The following CLASP2 variants were observed in gnomAD, a reference collection of about 807,000 sequenced individuals.
CLASP2 encodes the protein cytoplasmic linker associated protein 2.
A neutral mutation model predicts 194.4 loss-of-function variants in CLASP2; 47 were observed. The observed-to-expected ratio is 0.24, with a 90% CI of 0.19 to 0.31. The LOEUF is 0.31. Among genes scored for constraint, CLASP2 ranks in the 10% least tolerant of loss-of-function variants. The probability of loss-of-function intolerance (pLI) is 1.00; values close to 1 mark genes in which losing one functional copy is unlikely to be tolerated. For synonymous variants in CLASP2, 619 were observed against 633.5 expected (o/e 0.98, Z 0.34); for missense variants, 1,445 against 1,823.6 (o/e 0.79, Z 3.78).
intron 33 of CLASP2, among the ~76,000 whole-genome samples, chr3:33,537,153 AATTT>A (rs2057500511): frequency 6.6e-6 from 1 of 152,172 alleles, no homozygotes; most frequent in African/African-American, 2.4e-5. Context: ...CAAAATTCAC[AATTT>A]GAGTTCCCTA....
chr3:33,600,081 AT>A lies in CLASP2; in HGVS notation c.1924+2870del, dbSNP rs201918217. On this transcript the variant is annotated intron_variant, in intron 18 of 38. Coordinates refer to ENST00000682230, the MANE Select transcript of CLASP2 (RefSeq NM_001365631.1). ...TGTAATGTGTTTTGCTCATATATAT[AT>A]TTTTTTTGTGTGTGTGTGTGTGTGG... is the stretch of plus-strand genomic sequence containing the variant. Among the ~76,000 whole-genome samples the A allele has an allele frequency of 8.0e-3, 1,217 of 151,436 alleles. 21 individuals are homozygous for A. Among genetic ancestry groups the A allele is most frequent in the African/African-American group, 0.027 (1,116 of 41,290 alleles).
At chr3:33,696,077 T>TA (rs368145700) in intron 2 of CLASP2, among the ~76,000 whole-genome samples, 248 of 152,286 alleles carry the variant, frequency 1.6e-3, no homozygotes, top group Non-Finnish European at 2.8e-3. Context: ...TAAGGAAATT[T>TA]AGAGTACTTA....
chr3:33,617,107 G>A (rs7623202), intron 12 of CLASP2, among the ~76,000 whole-genome samples: 8,871 of 148,780 alleles, frequency 0.06, 825 homozygotes, highest in African/African-American at 0.2. Flanking sequence ...AGCCTGAAAC[G>A]GGAAAAAAGG....
At chr3:33,559,027 C>A (rs187528419) in intron 29 of CLASP2, 1 of 477,218 alleles carries the variant, frequency 2.1e-6, no homozygotes, top group Admixed American at 3.5e-5. Flanking sequence ...TGTGTGCATG[C>A]GTAAAAGGCT....
chr3:33,658,452 G>C (rs1408652995), intron 7 of CLASP2, among the ~76,000 whole-genome samples: 3 of 151,964 alleles, frequency 2.0e-5, no homozygotes, highest in African/African-American at 4.8e-5. Flanking sequence ...ATCTTAAAAG[G>C]CTAAATATTT....
intron 13 of CLASP2, among the ~76,000 whole-genome samples, chr3:33,611,544 T>C (rs1269224370): frequency 1.3e-5 from 2 of 152,202 alleles, no homozygotes; most frequent in Non-Finnish European, 2.9e-5. Context: ...CTGATAGGGC[T>C]ATATACTCCG....
chr3:33,588,861 A>C (rs1254818727), intron 21 of CLASP2: 2 of 610,948 alleles, frequency 3.3e-6, no homozygotes. Flanking sequence ...AAAAACCCTA[A>C]GGCAAAAAAA....
intron 11 of CLASP2, among the ~76,000 whole-genome samples, chr3:33,621,673 A>G (rs2077134283): frequency 6.6e-6 from 1 of 152,210 alleles, no homozygotes; most frequent in Non-Finnish European, 1.5e-5. Flanking sequence ...TTAGGTCAGA[A>G]ATAGTAATAA....
chr3:33,680,059 T>C (rs2089532265), intron 6 of CLASP2, among the ~76,000 whole-genome samples: 1 of 152,176 alleles, frequency 6.6e-6, no homozygotes, highest in Admixed American at 6.5e-5. Context: ...AGAAATGAGC[T>C]ATCAAGCCAT....
Position 33,592,470 on chromosome 3 carries a change from G to A in CLASP2, c.1993C>T (p.Pro665Ser), listed in dbSNP as rs1449892152. ...DGRVRAKLSA[P>S]LAGMGNAKAD... ...TTGGCATTTCCCATGCCAGCAAGTGGTGCTGAAAGTTTTGCTCTCACCCGG... is the reference window on the plus strand; with the variant it reads ...TTGGCATTTCCCATGCCAGCAAGTGATGCTGAAAGTTTTGCTCTCACCCGG... The change falls in exon 21 of 39, where the codon CCA (proline) becomes TCA (serine). Residue 665 changes from proline (P) to serine (S), a missense_variant. Physicochemically the swap from Pro to Ser is moderately conservative, Grantham distance 74. Coordinates refer to ENST00000682230, the MANE Select transcript of CLASP2 (RefSeq NM_001365631.1). The A allele has an allele frequency of 6.2e-7, 1 of 1,613,532 alleles. No individual in the cohort carries two copies. Among genetic ancestry groups the A allele is most frequent in the Admixed American group, 1.7e-5 (1 of 59,980 alleles).
At chr3:33,697,808 T>C (rs917630994) in intron 1 of CLASP2, among the ~76,000 whole-genome samples, 1 of 151,990 alleles carries the variant, frequency 6.6e-6, no homozygotes, top group African/African-American at 2.4e-5. Flanking sequence ...TAACCTGAAA[T>C]CTAAACAAAG....
chr3:33,703,499 G>T (rs1247998553), intron 1 of CLASP2, among the ~76,000 whole-genome samples: 3 of 152,182 alleles, frequency 2.0e-5, no homozygotes, highest in African/African-American at 7.2e-5. Flanking sequence ...TTCACTACTG[G>T]TGGGAATGCA....
At position 33,637,805 on chromosome 3, in the gene CLASP2, T is replaced by C. The variant is rs573784687; in HGVS notation, c.863-5434A>G. On this transcript the variant is annotated intron_variant, in intron 8 of 38. Coordinates refer to ENST00000682230, the MANE Select transcript of CLASP2 (RefSeq NM_001365631.1). ...GTGCTGCAGAAGGTAAAATGTTGTC[T>C]TTATTAAAATTAAAAACACATAAAA... Among the ~76,000 whole-genome samples, 148 of 152,344 alleles carry C rather than the reference T, an allele frequency of 9.7e-4. 2 individuals carry two copies. Among genetic ancestry groups the C allele is most frequent in the South Asian group, 9.3e-3 (45 of 4,822 alleles).
intron 37 of CLASP2, 98 bp from the exon 38 acceptor site, chr3:33,501,866 G>A (rs986298879): frequency 2.5e-5 from 20 of 787,194 alleles, no homozygotes; most frequent in African/African-American, 6.8e-5. Flanking sequence ...ATGAAATCTC[G>A]AGCATACTAA....
chr3:33,500,946 A>G (rs2046716297), intron 38 of CLASP2, among the ~76,000 whole-genome samples: 1 of 152,300 alleles, frequency 6.6e-6, no homozygotes, highest in Non-Finnish European at 1.5e-5. Context: ...TCTTCTCAGT[A>G]TGTTGCCCAG....
intron 1 of CLASP2, among the ~76,000 whole-genome samples, chr3:33,704,084 G>A (rs1437864470): frequency 6.6e-6 from 1 of 152,224 alleles, no homozygotes; most frequent in Non-Finnish European, 1.5e-5. Flanking sequence ...AGGGATTGGG[G>A]AAGGAGGAAG....
intron 23 of CLASP2, among the ~76,000 whole-genome samples, chr3:33,578,007 G>T (rs1233448284): frequency 6.6e-6 from 1 of 152,096 alleles, no homozygotes; most frequent in Non-Finnish European, 1.5e-5. Context: ...ACAGTAGCCT[G>T]AACAAACTAA....
chr3:33,505,407 T>TA (rs1456332009), intron 37 of CLASP2: 1 of 151,768 alleles, frequency 6.6e-6, no homozygotes, highest in East Asian at 1.9e-4. Flanking sequence ...TTACTGAAAA[T>TA]AAAAAAGTAT....
intron 2 of CLASP2, among the ~76,000 whole-genome samples, chr3:33,696,325 G>C (rs1205726184): frequency 7.7e-6 from 1 of 129,742 alleles, no homozygotes; most frequent in Non-Finnish European, 1.6e-5. Flanking sequence ...AATAGTAAAA[G>C]ATCCAGTAAA....
Sources: allele counts gnomAD v4.1 joint callset (sites outside exome capture counted in the v4.1 genomes callset), GRCh38; gene constraint gnomAD v4.1.1; transcripts MANE v1.5; gene names NCBI Gene and HGNC (gene_info 2026-07-23, HGNC 2026-07-21).